LAMA2: variants seen among roughly 807,000 people sequenced by gnomAD.
The protein encoded by LAMA2 is laminin subunit alpha 2.
In LAMA2, 269 loss-of-function variants were observed where a neutral mutation model predicts 364.8. The ratio of observed to expected loss-of-function variants is 0.74; its 90% confidence interval spans 0.67 to 0.82. The LOEUF (loss-of-function observed/expected upper bound fraction) is 0.82, where lower values mean the gene tolerates loss of function less well. LAMA2 is among the 40% of genes least tolerant of loss of function. The pLI is 0.00. For missense variants in LAMA2, 3,807 were observed against 3,873.2 expected, an observed-to-expected ratio of 0.98 and a Z score of 0.45; for synonymous variants, 1,379 against 1,370.6, an observed-to-expected ratio of 1.01 and a Z score of -0.14.
intron 64 of LAMA2, among the ~76,000 whole-genome samples, chr6:129,515,548 A>G (rs1178766067): frequency 2.0e-5 from 3 of 152,228 alleles, no homozygotes; most frequent in Non-Finnish European, 2.9e-5. Flanking sequence ...AAGATTCTAC[A>G]TGAATATCCA....
chr6:128,957,836 A>ATTTTTTTTTTTTTT (rs10652900), intron 1 of LAMA2, among the ~76,000 whole-genome samples: 12 of 51,262 alleles, frequency 2.3e-4, no homozygotes, highest in African/African-American at 3.2e-4. Context: ...TACTTCATGC[A>ATTTTTTTTTTTTTT]TTTTTTTTTT....
At chr6:128,912,325 A>AT (rs66716618) in intron 1 of LAMA2, among the ~76,000 whole-genome samples, 38 of 151,966 alleles carry the variant, frequency 2.5e-4, no homozygotes, top group Non-Finnish European at 4.7e-4. Flanking sequence ...CGTAATGGAT[A>AT]TTTTTTTCTC....
At chr6:128,974,853 A>C (rs558560757) in intron 1 of LAMA2, among the ~76,000 whole-genome samples, 4 of 143,160 alleles carry the variant, frequency 2.8e-5, no homozygotes, top group Non-Finnish European at 3.1e-5. Context: ...ATGAGTAACA[A>C]TTTTTTTTTT....
At position 128,899,341 on chromosome 6, in the gene LAMA2, A is replaced by G. The variant is rs538708669; in HGVS notation, c.112+15984A>G. ...GAAGACCAATCCAATCATATTTCAG[A>G]TAAACCTCAAGAGCAATTGCTATGG... On this transcript the variant is annotated intron_variant, in intron 1 of 64. Transcript: ENST00000421865. Among the ~76,000 whole-genome samples, 28 of 152,352 alleles carry G rather than the reference A, an allele frequency of 1.8e-4. 1 individual carries two copies. The East Asian group carries it at 5.4e-3, about 29-fold the overall frequency.
chr6:129,154,099 T>C lies in LAMA2; in HGVS notation c.1028-406T>C, dbSNP rs116641537. Among the ~76,000 whole-genome samples, 1,441 of 152,316 alleles carry C rather than the reference T, an allele frequency of 9.5e-3. 29 individuals are homozygous for C. Among genetic ancestry groups the C allele is most frequent in the African/African-American group, 0.034 (1,394 of 41,574 alleles). ...TGGATATGTTTGTGTGTGTGTACGC[T>C]AAATGTAATTTCCCGTATGGTATAA... On this transcript the variant is annotated intron_variant, in intron 7 of 64. Transcript: ENST00000421865.
intron 1 of LAMA2, among the ~76,000 whole-genome samples, chr6:128,966,510 T>C (rs1781849866): frequency 6.6e-6 from 1 of 152,020 alleles, no homozygotes; most frequent in South Asian, 2.1e-4. Context: ...AGACTGGAAA[T>C]AAAAGAAAAA....
intron 58 of LAMA2, among the ~76,000 whole-genome samples, chr6:129,496,304 T>C (rs1785188591): frequency 6.6e-6 from 1 of 152,098 alleles, no homozygotes; most frequent in South Asian, 2.1e-4. Context: ...GTAGCTGGGA[T>C]TACGGGCATG....
chr6:129,465,066 A>ATTTT, intron 50 of LAMA2, 79 bp from the exon 51 acceptor site: 1 of 1,212,260 alleles, frequency 8.2e-7, no homozygotes. Flanking sequence ...AGACCCTAAC[A>ATTTT]TAAACCACAC....
chr6:129,225,329 C>T (rs1398413604), intron 12 of LAMA2, among the ~76,000 whole-genome samples: 1 of 152,234 alleles, frequency 6.6e-6, no homozygotes, highest in Non-Finnish European at 1.5e-5. Context: ...GTGACTCTAT[C>T]TCCTTCAGTT....
rs200928844 is a variant in LAMA2 at position 129,440,966 on chromosome 6, C to T, written c.6236C>T (p.Thr2079Met). Residue 2079 changes from threonine (T) to methionine (M), a missense_variant, in exon 43 of 65, where the codon ACG (threonine) becomes ATG (methionine). Coordinates refer to ENST00000421865, the MANE Select transcript of LAMA2 (RefSeq NM_000426.4). ...AAACTAGCAGACAGCGTCGCCAAAACGAATGCTGTGGTTAAAGATCCTTCC... is the reference window on the plus strand; with the variant it reads ...AAACTAGCAGACAGCGTCGCCAAAATGAATGCTGTGGTTAAAGATCCTTCC... ...YNKLADSVAK[T>M]NAVVKDPSKN... 155 of 1,613,698 alleles carry T rather than the reference C, an allele frequency of 9.6e-5. No individual in the cohort carries two copies. The highest frequency in any genetic ancestry group is 3.5e-4 in the Admixed American group (21 of 59,966).
chr6:128,987,782 T>A (rs556746095), intron 1 of LAMA2, among the ~76,000 whole-genome samples: 18 of 152,318 alleles, frequency 1.2e-4, no homozygotes, highest in African/African-American at 4.3e-4. Flanking sequence ...ACTTTTTTCA[T>A]CTGCTCCACA....
rs1244215976 is a variant in LAMA2 at position 128,909,414 on chromosome 6, C to G, written c.112+26057C>G. ...AATGGCCTTCTTTGTCTCTTTTGAT[C>G]TTTGTTGGTTTAAAATCTGTTTTAT... On this transcript the variant is annotated intron_variant, in intron 1 of 64. Coordinates refer to ENST00000421865, the MANE Select transcript of LAMA2 (RefSeq NM_000426.4). Among the ~76,000 whole-genome samples the G allele has an allele frequency of 1.3e-4, 20 of 151,632 alleles. No individual in the cohort carries two copies. The East Asian group carries it at 3.5e-3, about 26-fold the overall frequency.
chr6:129,404,604 A>G (rs1199836634), intron 40 of LAMA2, among the ~76,000 whole-genome samples: 1 of 152,138 alleles, frequency 6.6e-6, no homozygotes. Flanking sequence ...TTTGTACATG[A>G]GTTGTGTGAT....
intron 58 of LAMA2, among the ~76,000 whole-genome samples, chr6:129,502,066 T>C (rs1195905902): frequency 6.6e-6 from 1 of 152,208 alleles, no homozygotes; most frequent in South Asian, 2.1e-4. Context: ...GCAGTTGAAA[T>C]GGTGTATGGT....
At chr6:129,026,429 C>CA (rs796351883) in intron 1 of LAMA2, among the ~76,000 whole-genome samples, 1 of 151,778 alleles carries the variant, frequency 6.6e-6, no homozygotes, top group Admixed American at 6.6e-5. Flanking sequence ...AGTCTAACTG[C>CA]AAAAAAATGA....
intron 12 of LAMA2, among the ~76,000 whole-genome samples, chr6:129,240,372 C>T (rs1785317351): frequency 1.3e-5 from 2 of 152,202 alleles, no homozygotes; most frequent in South Asian, 4.1e-4. Flanking sequence ...TATTAATCAC[C>T]ACATTCTCCA....
intron 7 of LAMA2, among the ~76,000 whole-genome samples, chr6:129,153,538 C>T (rs1778935567): frequency 6.6e-6 from 1 of 152,210 alleles, no homozygotes; most frequent in Non-Finnish European, 1.5e-5. Flanking sequence ...CAGTCTTTAG[C>T]AGTGCAGACT....
chr6:129,326,564 T>C (rs936251142), intron 28 of LAMA2, among the ~76,000 whole-genome samples: 2 of 151,684 alleles, frequency 1.3e-5, no homozygotes, highest in African/African-American at 4.8e-5. Flanking sequence ...TGTGATTTTT[T>C]ACACAAATTT....
At chr6:129,298,433 C>CA (rs1773342647) in intron 21 of LAMA2, among the ~76,000 whole-genome samples, 1 of 152,288 alleles carries the variant, frequency 6.6e-6, no homozygotes, top group South Asian at 2.1e-4. Flanking sequence ...ATGATTCCCT[C>CA]AAGCAGTATT....
Sources: gnomAD v4.1 joint callset for allele counts (sites outside exome capture counted in the v4.1 genomes callset) on GRCh38, gnomAD v4.1.1 for gene constraint, MANE v1.5 for transcripts, NCBI Gene and HGNC (gene_info 2026-07-23, HGNC 2026-07-21) for gene names.